TACC2: variants seen among roughly 807,000 people sequenced by gnomAD.
TACC2 encodes the protein transforming acidic coiled-coil containing protein 2.
In TACC2, 137 loss-of-function variants were observed where a neutral mutation model predicts 227.3. The observed-to-expected ratio is 0.60, with a 90% CI of 0.52 to 0.69. The LOEUF is 0.69. TACC2 is among the 30% of genes least tolerant of loss of function. The pLI, the probability that TACC2 is intolerant of heterozygous loss-of-function variation, is 0.00. For synonymous variants in TACC2, 1,523 were observed against 1,487.5 expected (o/e 1.02, Z -0.55); for missense variants, 3,470 against 3,694.4 (o/e 0.94, Z 1.57).
In TACC2 at chr10:122,211,081, G is replaced by C. The variant is rs955968932; in HGVS notation, c.6656G>C (p.Gly2219Ala). The change falls in exon 9 of 23, where the codon GGA (glycine) becomes GCA (alanine). Residue 2219 changes from glycine (G) to alanine (A), a missense_variant. Coordinates refer to ENST00000369005, the MANE Select transcript of TACC2 (RefSeq NM_206862.4). The stretch of plus-strand genomic sequence containing the variant: ...GAAGGGGTTGTCCCCCCGGCTTCTG[G>C]AGGTGGCAGAGTGCAGAACTCACCC... ...SAEGVVPPAS[G>A]GGRVQNSPPV... 1 of 1,612,640 alleles carries C rather than the reference G, an allele frequency of 6.2e-7. No individual in the cohort carries two copies. Among genetic ancestry groups the C allele is most frequent in the African/African-American group, 1.3e-5 (1 of 74,968 alleles).
At chr10:122,073,348 T>A (rs1268374924) in intron 3 of TACC2, among the ~76,000 whole-genome samples, 1 of 151,738 alleles carries the variant, frequency 6.6e-6, no homozygotes, top group Non-Finnish European at 1.5e-5. Flanking sequence ...GTTTGAGAAC[T>A]CCATGTGTTC....
At chr10:122,146,333 A>G (rs1487426673) in intron 7 of TACC2, among the ~76,000 whole-genome samples, 1 of 152,192 alleles carries the variant, frequency 6.6e-6, no homozygotes. Flanking sequence ...TATAATAACT[A>G]AAGTCTATAG....
At chr10:122,135,482 G>A (rs957413312) in intron 6 of TACC2, among the ~76,000 whole-genome samples, 1 of 152,178 alleles carries the variant, frequency 6.6e-6, no homozygotes, top group African/African-American at 2.4e-5. Context: ...AAACCTGGGG[G>A]AGTATTTGAC....
chr10:122,173,596 T>C (rs1301238246), intron 7 of TACC2, among the ~76,000 whole-genome samples: 1 of 151,610 alleles, frequency 6.6e-6, no homozygotes, highest in Non-Finnish European at 1.5e-5. Flanking sequence ...GCTGGAGGAG[T>C]GTGGTCATAT....
chr10:122,238,078 C>T (rs766306171), intron 18 of TACC2, 41 bp downstream of exon 18: 18 of 1,531,928 alleles, frequency 1.2e-5, no homozygotes, highest in Non-Finnish European at 1.6e-5. Context: ...CTGAGGGATA[C>T]TTACCTGTGG....
At chr10:122,201,736 C>A (rs2094861408) in intron 8 of TACC2, among the ~76,000 whole-genome samples, 1 of 152,188 alleles carries the variant, frequency 6.6e-6, no homozygotes, top group South Asian at 2.1e-4. Flanking sequence ...CATTATCCTC[C>A]CGGGAAGACA....
At chr10:121,993,915 C>T (rs545914149) in intron 1 of TACC2, among the ~76,000 whole-genome samples, 10 of 152,242 alleles carry the variant, frequency 6.6e-5, no homozygotes, top group South Asian at 6.2e-4. Flanking sequence ...ATTATATAGA[C>T]GTAAGCCACC....
chr10:122,107,878 A>ATTT (rs1204393563), intron 5 of TACC2, among the ~76,000 whole-genome samples: 12,650 of 87,584 alleles, frequency 0.14, 853 homozygotes, highest in Non-Finnish European at 0.21. Flanking sequence ...ATATATATAT[A>ATTT]TATTTTTTTT....
Position 122,211,370 on chromosome 10 carries a change from T to C in TACC2, c.6945T>C (p.Pro2315=). The C allele has an allele frequency of 6.2e-7, 1 of 1,613,980 alleles. No individual in the cohort carries two copies. Among genetic ancestry groups the C allele is most frequent in the Non-Finnish European group, 8.5e-7 (1 of 1,179,986 alleles). ...CACCCGAGAAACTTGACAACACTCC[T>C]GCCTCACCTCCCAGATCCCCTGCTG... The part of the protein sequence containing the change: ...KKTPEKLDNT[P]ASPPRSPAEP... Residue 2315 remains proline (P), a synonymous_variant, in exon 9 of 23, where the codon CCT becomes CCC. Coordinates refer to ENST00000369005, the MANE Select transcript of TACC2 (RefSeq NM_206862.4).
chr10:122,161,006 G>T (rs577887952), intron 7 of TACC2, among the ~76,000 whole-genome samples: 1 of 152,060 alleles, frequency 6.6e-6, no homozygotes, highest in Admixed American at 6.6e-5. Context: ...GCAGTGGCAC[G>T]ATCATGGCTC....
At chr10:122,165,641 G>A (rs542376054) in intron 7 of TACC2, among the ~76,000 whole-genome samples, 1 of 152,316 alleles carries the variant, frequency 6.6e-6, no homozygotes, top group South Asian at 2.1e-4. Context: ...GATGGAAGCT[G>A]TTTATCAAAT....
chr10:122,186,800 ACCGC>A, intron 7 of TACC2, among the ~76,000 whole-genome samples: 1 of 152,202 alleles, frequency 6.6e-6, no homozygotes, highest in African/African-American at 2.4e-5. Flanking sequence ...GGCATGTGAC[ACCGC>A]CCCCGGCCAA....
Position 122,216,497 on chromosome 10 carries a change from G to A in TACC2, c.7345-130G>A. On this transcript the variant is annotated intron_variant, in intron 10 of 22. Transcript: ENST00000369005. The stretch of plus-strand genomic sequence containing the variant: ...TCCTTAATGGACCATTTGGAGCAGA[G>A]TCTGAGAAGAGCATGCAGAGGATTG... 4.9e-6 allele frequency: 4 copies of A among 808,106 alleles called. No individual in the cohort carries two copies. In the South Asian group the frequency reaches 7.1e-5, roughly 14 times the overall value. 50.1% of individuals were successfully genotyped at this position (808,106 alleles called of 1,614,324 possible). A position where few individuals can be genotyped will look rare whatever the true frequency, so the allele number is the denominator to read the frequency against.
chr10:122,188,684 C>A (rs1283697951), intron 7 of TACC2, among the ~76,000 whole-genome samples: 1 of 152,204 alleles, frequency 6.6e-6, no homozygotes, highest in African/African-American at 2.4e-5. Flanking sequence ...CCTCAATCTG[C>A]AGTGCTCTTT....
At chr10:122,145,456 T>C (rs1437875880) in intron 7 of TACC2, among the ~76,000 whole-genome samples, 1 of 152,148 alleles carries the variant, frequency 6.6e-6, no homozygotes, top group East Asian at 1.9e-4. Context: ...GATGAGATTC[T>C]GGGAAAGGCA....
At chr10:122,037,163 A>G (rs1253752150) in intron 2 of TACC2, among the ~76,000 whole-genome samples, 1 of 152,212 alleles carries the variant, frequency 6.6e-6, no homozygotes, top group Non-Finnish European at 1.5e-5. Flanking sequence ...TGTAACAGGT[A>G]TGGGAGAAAT....
intron 8 of TACC2, among the ~76,000 whole-genome samples, chr10:122,203,722 C>CA (rs1289042395): frequency 6.6e-6 from 1 of 151,880 alleles, no homozygotes; most frequent in Non-Finnish European, 1.5e-5. Flanking sequence ...GATGGGCGGC[C>CA]AGGCAGAGAC....
intron 1 of TACC2, among the ~76,000 whole-genome samples, chr10:122,000,045 T>C (rs373017317): frequency 2.6e-5 from 4 of 152,330 alleles, no homozygotes; most frequent in African/African-American, 9.6e-5. Context: ...CTTAGAGTTC[T>C]GTTGGAGACA....
chr10:122,071,755 C>T (rs369124356), intron 3 of TACC2, among the ~76,000 whole-genome samples: 19 of 146,840 alleles, frequency 1.3e-4, no homozygotes, highest in Admixed American at 6.8e-4. Flanking sequence ...GGCGTGGTGA[C>T]GGGCACCTGT....
Sources: gnomAD v4.1 joint callset for allele counts (sites outside exome capture counted in the v4.1 genomes callset) on GRCh38, gnomAD v4.1.1 for gene constraint, MANE v1.5 for transcripts, NCBI Gene and HGNC (gene_info 2026-07-23, HGNC 2026-07-21) for gene names.